GALNT13: variants seen among roughly 807,000 people sequenced by gnomAD.
The protein encoded by GALNT13 is polypeptide N-acetylgalactosaminyltransferase 13, also known as UDP-GalNAc:polypeptide N-acetylgalactosaminyltransferase 13.
Under a neutral mutation model 64.2 loss-of-function variants are expected in GALNT13, and 28 were observed. That is an observed-to-expected ratio of 0.44 (90% CI 0.32 to 0.60). The LOEUF is 0.60. Among genes scored for constraint, GALNT13 ranks in the 20% least tolerant of loss-of-function variants. GALNT13 has a pLI of 0.05. For synonymous variants in GALNT13, 214 were observed against 224.6 expected (o/e 0.95, Z 0.42); for missense variants, 577 against 669.8 (o/e 0.86, Z 1.53).
At chr2:154,292,359 A>G (rs1442135573) in intron 8 of GALNT13, among the ~76,000 whole-genome samples, 2 of 152,190 alleles carry the variant, frequency 1.3e-5, no homozygotes, top group African/African-American at 4.8e-5. Context: ...CACTGCCATC[A>G]CCTTGGGCAA....
At chr2:153,551,726 G>A in the GALNT13 span, among the ~76,000 whole-genome samples, 4 of 152,148 alleles carry the variant, frequency 2.6e-5, no homozygotes, top group Admixed American at 6.5e-5. Flanking sequence ...CAGGAATTTG[G>A]TTTGAGATCT....
chr2:154,266,153 CA>C (rs1047517102), intron 8 of GALNT13, among the ~76,000 whole-genome samples: 7 of 151,984 alleles, frequency 4.6e-5, no homozygotes, highest in African/African-American at 1.2e-4. Context: ...AGGGTTTGAG[CA>C]AAAAAACCTA....
At chr2:153,718,547 T>C in the GALNT13 span, among the ~76,000 whole-genome samples, 1 of 152,046 alleles carries the variant, frequency 6.6e-6, no homozygotes, top group Non-Finnish European at 1.5e-5. Flanking sequence ...ATAAAAGTAA[T>C]AGAGGTGAAA....
chr2:154,446,383 C>T (rs1701576361), intron 12 of GALNT13: 1 of 427,302 alleles, frequency 2.3e-6, no homozygotes, highest in South Asian at 5.7e-5. Flanking sequence ...TCATTTACTC[C>T]TTCCTTATAG....
intron 2 of GALNT13, among the ~76,000 whole-genome samples, chr2:153,911,860 A>G (rs1688963514): frequency 6.6e-6 from 1 of 151,860 alleles, no homozygotes; most frequent in African/African-American, 2.4e-5. Flanking sequence ...TCAGCCTTGG[A>G]GAATATGATG....
chr2:154,016,573 A>G (rs961003787), intron 3 of GALNT13, among the ~76,000 whole-genome samples: 2 of 152,044 alleles, frequency 1.3e-5, no homozygotes, highest in African/African-American at 4.8e-5. Flanking sequence ...ATGCGCCACC[A>G]TGCCTGGCTA....
chr2:153,147,163 A>G, the GALNT13 span, among the ~76,000 whole-genome samples: 1 of 151,898 alleles, frequency 6.6e-6, no homozygotes, highest in African/African-American at 2.4e-5. Context: ...AAAGAAAAAA[A>G]AAGAGTTGAT....
the GALNT13 span, among the ~76,000 whole-genome samples, chr2:153,369,654 T>C: frequency 3.3e-5 from 5 of 152,144 alleles, no homozygotes; most frequent in African/African-American, 4.8e-5. Flanking sequence ...ATCATGAGAC[T>C]CCACTTCTGA....
At chr2:153,572,103 T>A in the GALNT13 span, among the ~76,000 whole-genome samples, 1 of 151,768 alleles carries the variant, frequency 6.6e-6, no homozygotes, top group African/African-American at 2.4e-5. Flanking sequence ...GAGACTTTGT[T>A]ATCCCTTCGA....
chr2:154,299,632 T>C (rs754016386), intron 8 of GALNT13, among the ~76,000 whole-genome samples: 13,386 of 151,150 alleles, frequency 0.089, 784 homozygotes, highest in Non-Finnish European at 0.13. Context: ...TTTTTTTTTT[T>C]TTTTCTATTT....
chr2:153,238,602 G>GTA, the GALNT13 span, among the ~76,000 whole-genome samples: 45,256 of 151,720 alleles, frequency 0.3, 7,612 homozygotes, highest in Non-Finnish European at 0.39. Flanking sequence ...TTTCCCCAGT[G>GTA]TATTGCTCTT....
At chr2:153,693,183 C>G in the GALNT13 span, among the ~76,000 whole-genome samples, 1 of 152,178 alleles carries the variant, frequency 6.6e-6, no homozygotes, top group African/African-American at 2.4e-5. Flanking sequence ...CGGCAGATCT[C>G]TGGTACTTGA....
the GALNT13 span, among the ~76,000 whole-genome samples, chr2:153,496,836 A>G: frequency 6.6e-6 from 1 of 151,110 alleles, no homozygotes; most frequent in Non-Finnish European, 1.5e-5. Context: ...AAATACAAAG[A>G]AAAAAAAATT....
At chr2:154,134,855 G>A (rs918924103) in intron 3 of GALNT13, among the ~76,000 whole-genome samples, 1 of 152,062 alleles carries the variant, frequency 6.6e-6, no homozygotes, top group African/African-American at 2.4e-5. Flanking sequence ...AGCTGGTGAC[G>A]GGCACCTGTA....
chr2:154,456,211 T>TGTTGTC (rs1702031582), downstream of GALNT13, among the ~76,000 whole-genome samples: 1 of 151,494 alleles, frequency 6.6e-6, no homozygotes, highest in Non-Finnish European at 1.5e-5. Context: ...TTGTTGTTGT[T>TGTTGTC]GTTTTGGTCA....
the GALNT13 span, among the ~76,000 whole-genome samples, chr2:153,611,351 C>A: frequency 2.0e-4 from 30 of 152,158 alleles, no homozygotes; most frequent in African/African-American, 6.3e-4. Context: ...CCCTGCCCCC[C>A]CGTCCGCCTT....
chr2:153,892,060 T>G (rs1314428013), intron 1 of GALNT13, among the ~76,000 whole-genome samples: 1 of 152,028 alleles, frequency 6.6e-6, no homozygotes, highest in African/African-American at 2.4e-5. Flanking sequence ...TATTCTATTT[T>G]CTGTGTTCCC....
At chr2:154,327,056 A>T (rs1055750636) in intron 9 of GALNT13, among the ~76,000 whole-genome samples, 3 of 152,072 alleles carry the variant, frequency 2.0e-5, no homozygotes, top group Non-Finnish European at 4.4e-5. Flanking sequence ...CCACAGGTCA[A>T]GGAAGGGACC....
At position 153,963,751 on chromosome 2, in the gene GALNT13, G is replaced by C. The variant is rs1230659614; in HGVS notation, c.142+19112G>C. On this transcript the variant is annotated intron_variant, in intron 3 of 12. Transcript: ENST00000392825. ...TCTCTCTGTGTGTGTGTGTGTGTGTGTGTGTGTGTGTGTGTGTGTGTGTGT... is the reference window on the plus strand; with the variant it reads ...TCTCTCTGTGTGTGTGTGTGTGTGTCTGTGTGTGTGTGTGTGTGTGTGTGT... Among the ~76,000 whole-genome samples the C allele has an allele frequency of 2.9e-3, 427 of 146,786 alleles. 1 individual carries two copies. The highest frequency in any genetic ancestry group is 9.9e-3 in the African/African-American group (383 of 38,616).
Sources: gnomAD v4.1 joint callset for allele counts (sites outside exome capture counted in the v4.1 genomes callset) on GRCh38, gnomAD v4.1.1 for gene constraint, MANE v1.5 for transcripts, NCBI Gene and HGNC (gene_info 2026-07-23, HGNC 2026-07-21) for gene names.